FBN2: variants seen among roughly 807,000 people sequenced by gnomAD.
FBN2 encodes the protein fibrillin-2.
Under a neutral mutation model 355.6 loss-of-function variants are expected in FBN2, and 105 were observed. The ratio of observed to expected loss-of-function variants is 0.30; its 90% CI spans 0.25 to 0.35. The LOEUF (loss-of-function observed/expected upper bound fraction) is 0.35. Among genes scored for constraint, FBN2 ranks in the 10% least tolerant of loss-of-function variants. The pLI, the probability that FBN2 is intolerant of heterozygous loss-of-function variation, is 1.00. For missense variants in FBN2, 3,280 were observed against 3,758.7 expected (o/e 0.87, Z 3.33); for synonymous variants, 1,350 against 1,301.2 (o/e 1.04, Z -0.81).
At chr5:128,507,353 C>T (rs1041397229) in intron 5 of FBN2, among the ~76,000 whole-genome samples, 4 of 151,900 alleles carry the variant, frequency 2.6e-5, no homozygotes, top group African/African-American at 9.7e-5. Flanking sequence ...GGCTCAAGTC[C>T]CTGATAAAAA....
rs150295919 is a variant in FBN2 at position 128,501,185 on chromosome 5, G to C, written c.628+18088C>G. 2.9e-3 allele frequency among the ~76,000 whole-genome samples: 438 copies of C among 152,316 alleles called. 2 individuals are homozygous for C. The highest frequency in any genetic ancestry group is 0.01 in the African/African-American group (421 of 41,570). ...AATGGGAGCAATCATTCAAATTTCA[G>C]GGATATCCTCTTTGAAAAAGAATAC... On this transcript the variant is annotated intron_variant, in intron 5 of 64. Coordinates refer to ENST00000262464, the MANE Select transcript of FBN2 (RefSeq NM_001999.4).
At chr5:128,268,140 TAAAG>T (rs753515659) in intron 62 of FBN2, among the ~76,000 whole-genome samples, 1 of 151,728 alleles carries the variant, frequency 6.6e-6, no homozygotes, top group Non-Finnish European at 1.5e-5. Flanking sequence ...GCTAGACTAA[TAAAG>T]AACAGAGAAG....
intron 34 of FBN2, 63 bp from the exon 35 acceptor site, chr5:128,319,064 G>C: frequency 7.5e-7 from 1 of 1,329,464 alleles, no homozygotes; most frequent in Non-Finnish European, 1.1e-6. Flanking sequence ...TTAATGTAAT[G>C]TCTAACATTA....
At chr5:128,514,434 G>A (rs1756224445) in intron 5 of FBN2, among the ~76,000 whole-genome samples, 1 of 152,102 alleles carries the variant, frequency 6.6e-6, no homozygotes, top group Non-Finnish European at 1.5e-5. Context: ...GCATCCTCAT[G>A]TGTAAAGTAG....
At chr5:128,375,411 C>T (rs1035983296) in intron 14 of FBN2, among the ~76,000 whole-genome samples, 7 of 152,148 alleles carry the variant, frequency 4.6e-5, no homozygotes, top group Non-Finnish European at 8.8e-5. Flanking sequence ...CATACTGTAA[C>T]ATAATTCTAC....
rs139477574 is a variant in FBN2 at position 128,517,282 on chromosome 5, G to A, written c.628+1991C>T. On this transcript the variant is annotated intron_variant, in intron 5 of 64. Transcript: ENST00000262464. ...TTGAAATCTGCTTCAGGATGAAAGAGCTACAAAGTTTACCTGACTCCCAGA... is the reference window on the plus strand; with the variant it reads ...TTGAAATCTGCTTCAGGATGAAAGAACTACAAAGTTTACCTGACTCCCAGA... Among the ~76,000 whole-genome samples the A allele has an allele frequency of 6.3e-3, 961 of 152,188 alleles. 10 individuals carry two copies. Among genetic ancestry groups the A allele is most frequent in the African/African-American group, 0.021 (877 of 41,530 alleles).
chr5:128,536,429 G>C lies in FBN2; in HGVS notation c.310C>G (p.Leu104Val). The stretch of plus-strand genomic sequence containing the variant: ...ACAATGCACTGGTTTCCTCCAGGGA[G>C]CGTCTTCCATCCAGGGCAGCAGTAG... The part of the protein sequence containing the change: ...HSYCCPGWKT[L>V]PGGNQCIVPI... The change falls in exon 2 of 65, where the codon CTC becomes GTC. Residue 104 changes from leucine (L) to valine (V), a missense_variant. Transcript: ENST00000262464. The C allele has an allele frequency of 1.2e-6, 2 of 1,614,108 alleles. No individual in the cohort carries two copies. The highest frequency in any genetic ancestry group is 1.7e-6 in the Non-Finnish European group (2 of 1,179,996).
At chr5:128,465,547 A>G (rs1754690432) in intron 5 of FBN2, among the ~76,000 whole-genome samples, 1 of 152,218 alleles carries the variant, frequency 6.6e-6, no homozygotes, top group South Asian at 2.1e-4. Flanking sequence ...CTGCCTGTAA[A>G]TATTCAGTTC....
At chr5:128,437,186 C>A (rs1753787521) in intron 7 of FBN2, among the ~76,000 whole-genome samples, 1 of 152,086 alleles carries the variant, frequency 6.6e-6, no homozygotes, top group South Asian at 2.1e-4. Flanking sequence ...GTCTTTGTAC[C>A]TGAAAGTATG....
chr5:128,531,967 C>A (rs1259623462), intron 2 of FBN2, among the ~76,000 whole-genome samples: 2 of 152,072 alleles, frequency 1.3e-5, no homozygotes, highest in African/African-American at 4.8e-5. Flanking sequence ...GCAGAATTCA[C>A]CCAGAGAAGA....
intron 23 of FBN2, among the ~76,000 whole-genome samples, chr5:128,346,760 G>A (rs1416379311): frequency 2.0e-5 from 3 of 152,104 alleles, no homozygotes; most frequent in Non-Finnish European, 4.4e-5. Context: ...CCAACATGGC[G>A]AAAACCCATC....
At chr5:128,337,883 AC>A (rs1750888324) in intron 27 of FBN2, 113 bp downstream of exon 27, 1 of 1,166,230 alleles carries the variant, frequency 8.6e-7, no homozygotes, top group Non-Finnish European at 1.3e-6. Flanking sequence ...CTCAATTTCC[AC>A]CTTTTAATAA....
chr5:128,290,176 T>TA (rs984201041), intron 50 of FBN2, among the ~76,000 whole-genome samples: 1 of 152,224 alleles, frequency 6.6e-6, no homozygotes, highest in Non-Finnish European at 1.5e-5. Context: ...TTTGCTCATT[T>TA]AAAGCTGAGC....
At chr5:128,451,986 T>G (rs1031182577) in intron 6 of FBN2, among the ~76,000 whole-genome samples, 1 of 152,212 alleles carries the variant, frequency 6.6e-6, no homozygotes, top group Non-Finnish European at 1.5e-5. Flanking sequence ...CCCTTATTTT[T>G]GAAGTCTCCT....
intron 48 of FBN2, among the ~76,000 whole-genome samples, chr5:128,294,939 G>C (rs1749459875): frequency 7.6e-6 from 1 of 132,038 alleles, no homozygotes; most frequent in Non-Finnish European, 1.6e-5. Flanking sequence ...GTAATGCCTA[G>C]GTTTTCTTCT....
intron 7 of FBN2, among the ~76,000 whole-genome samples, chr5:128,411,220 C>T (rs1294661230): frequency 3.3e-5 from 5 of 152,120 alleles, no homozygotes; most frequent in Non-Finnish European, 5.9e-5. Context: ...TAGGTGTTGC[C>T]GGTGACCTGT....
intron 18 of FBN2, among the ~76,000 whole-genome samples, chr5:128,364,018 A>G (rs1011407738): frequency 6.6e-6 from 1 of 152,218 alleles, no homozygotes; most frequent in Non-Finnish European, 1.5e-5. Context: ...TTATTTTATA[A>G]AAGTCCACTC....
At chr5:128,351,633 T>C (rs1488449974) in intron 20 of FBN2, among the ~76,000 whole-genome samples, 5 of 152,116 alleles carry the variant, frequency 3.3e-5, no homozygotes, top group South Asian at 4.1e-4. Context: ...ATTACATATA[T>C]GTAAATAAAA....
chr5:128,265,255 T>A (rs954810136), intron 62 of FBN2, among the ~76,000 whole-genome samples: 1 of 152,144 alleles, frequency 6.6e-6, no homozygotes, highest in East Asian at 1.9e-4. Flanking sequence ...CTAAATTAGA[T>A]TACAATTTAA....
Sources: allele counts gnomAD v4.1 joint callset (sites outside exome capture counted in the v4.1 genomes callset), GRCh38; gene constraint gnomAD v4.1.1; transcripts MANE v1.5; gene names NCBI Gene and HGNC (gene_info 2026-07-23, HGNC 2026-07-21).